Variants in STARD13 observed in about 807,000 individuals in gnomAD.
STARD13 encodes the protein stAR-related lipid transfer protein 13.
A neutral mutation model predicts 106.4 loss-of-function variants in STARD13; 62 were observed. The ratio of observed to expected loss-of-function variants is 0.58; its 90% CI spans 0.48 to 0.72. STARD13 has a LOEUF of 0.72. Among genes scored for constraint, STARD13 ranks in the 30% least tolerant of loss-of-function variants. The pLI, the probability that STARD13 is intolerant of heterozygous loss-of-function variation, is 0.00. For synonymous variants in STARD13, 565 were observed against 553.0 expected (o/e 1.02, Z -0.31); for missense variants, 1,387 against 1,424.0 (o/e 0.97, Z 0.42).
At chr13:33,388,209 T>C in the STARD13 span, among the ~76,000 whole-genome samples, 1,847 of 151,590 alleles carry the variant, frequency 0.012, 35 homozygotes, top group African/African-American at 0.041. Flanking sequence ...ACAAATCTAA[T>C]GGCTTGGTGA....
At chr13:33,452,343 TG>T in the STARD13 span, among the ~76,000 whole-genome samples, 1 of 150,376 alleles carries the variant, frequency 6.6e-6, no homozygotes, top group Non-Finnish European at 1.5e-5. Context: ...GGGGCAGTTG[TG>T]GGGGTGGGTG....
Position 33,343,597 on chromosome 13 carries a change from AC to A in STARD13, c.124+6692del, listed in dbSNP as rs149535310. Among the ~76,000 whole-genome samples, 455 of 118,440 alleles carry A rather than the reference AC, an allele frequency of 3.8e-3. 13 individuals are homozygous for A. Among genetic ancestry groups the A allele is most frequent in the African/African-American group, 0.013 (417 of 31,110 alleles). The allele number at this position is 118,440 out of a possible 152,430, so 77.7% of individuals were successfully genotyped here. ...TGTCTTAAAAAAAAAAAAAAAAAAA[AC>A]AAATCTACAAATCTAGTAGTCCCTC... On this transcript the variant is annotated intron_variant, in intron 1 of 5. Transcript: ENST00000567873.
chr13:33,226,591 C>T (rs1888639474), intron 1 of STARD13, among the ~76,000 whole-genome samples: 1 of 151,952 alleles, frequency 6.6e-6, no homozygotes. Context: ...TGCATCACCA[C>T]ACCTCGCTAA....
intron 1 of STARD13, among the ~76,000 whole-genome samples, chr13:33,238,493 A>G (rs933182394): frequency 6.6e-6 from 1 of 152,196 alleles, no homozygotes; most frequent in Admixed American, 6.5e-5. Context: ...AAAGTAGATC[A>G]TCTATTTTAT....
At chr13:33,671,235 A>G in the STARD13 span, among the ~76,000 whole-genome samples, 1 of 152,240 alleles carries the variant, frequency 6.6e-6, no homozygotes, top group Non-Finnish European at 1.5e-5. Flanking sequence ...AAATAATGCA[A>G]ATGTCCAACA....
At chr13:33,180,992 G>A (rs1430884016) in intron 1 of STARD13, among the ~76,000 whole-genome samples, 1 of 151,950 alleles carries the variant, frequency 6.6e-6, no homozygotes, top group Non-Finnish European at 1.5e-5. Context: ...CTTTACCTGG[G>A]GTTTTTAGAT....
chr13:33,332,197 A>G (rs978662911), intron 1 of STARD13, among the ~76,000 whole-genome samples: 4 of 152,110 alleles, frequency 2.6e-5, no homozygotes, highest in African/African-American at 9.7e-5. Context: ...ACCTATCCAC[A>G]GACACTTCCA....
At chr13:33,471,194 G>A in the STARD13 span, among the ~76,000 whole-genome samples, 45,383 of 152,122 alleles carry the variant, frequency 0.3, 7,649 homozygotes, top group Non-Finnish European at 0.39. Flanking sequence ...ATGATATTAA[G>A]ATATGTATAA....
intron 1 of STARD13, among the ~76,000 whole-genome samples, chr13:33,178,612 C>G (rs945188168): frequency 1.3e-5 from 2 of 152,174 alleles, no homozygotes; most frequent in Non-Finnish European, 2.9e-5. Context: ...TAACAGGAGC[C>G]AGGAAATTCA....
chr13:33,577,059 A>T, the STARD13 span, among the ~76,000 whole-genome samples: 1 of 152,234 alleles, frequency 6.6e-6, no homozygotes, highest in East Asian at 1.9e-4. Context: ...CCCTTTTAAA[A>T]ACATTTTTAT....
the STARD13 span, among the ~76,000 whole-genome samples, chr13:33,472,864 C>G: frequency 6.6e-6 from 1 of 151,970 alleles, no homozygotes; most frequent in Non-Finnish European, 1.5e-5. Flanking sequence ...GCGAAAATGT[C>G]TAGATTTTAG....
the STARD13 span, among the ~76,000 whole-genome samples, chr13:33,555,879 C>G: frequency 6.6e-6 from 1 of 152,050 alleles, no homozygotes; most frequent in Non-Finnish European, 1.5e-5. Context: ...AGTATTAGAC[C>G]CATTTTATAG....
At chr13:33,437,867 A>G in the STARD13 span, among the ~76,000 whole-genome samples, 1 of 152,000 alleles carries the variant, frequency 6.6e-6, no homozygotes, top group African/African-American at 2.4e-5. Context: ...TGCTTATTTG[A>G]TTTTTTCCCC....
At chr13:33,152,812 C>A (rs761025313) in intron 3 of STARD13, among the ~76,000 whole-genome samples, 16 of 152,196 alleles carry the variant, frequency 1.1e-4, no homozygotes, top group Non-Finnish European at 2.2e-4. Flanking sequence ...AAAGCCTAGT[C>A]TGGGAAATGT....
At chr13:33,661,987 T>G in the STARD13 span, among the ~76,000 whole-genome samples, 1,345 of 151,994 alleles carry the variant, frequency 8.8e-3, 25 homozygotes, top group African/African-American at 0.031. Context: ...TTTTGGCTGG[T>G]CGCGGTGGCT....
At chr13:33,338,532 A>G (rs1169101727) in intron 1 of STARD13, among the ~76,000 whole-genome samples, 1 of 152,164 alleles carries the variant, frequency 6.6e-6, no homozygotes, top group African/African-American at 2.4e-5. Context: ...ATGGATCGAT[A>G]CGAGATGCTG....
chr13:33,239,193 C>T (rs1889346536), intron 1 of STARD13, among the ~76,000 whole-genome samples: 1 of 152,128 alleles, frequency 6.6e-6, no homozygotes, highest in Admixed American at 6.5e-5. Context: ...CACGTTGTAG[C>T]ATATAACAAG....
chr13:33,565,478 A>G, the STARD13 span, among the ~76,000 whole-genome samples: 5 of 148,388 alleles, frequency 3.4e-5, no homozygotes, highest in Admixed American at 3.5e-4. Context: ...AAATCAATTT[A>G]AAAAGAAAAA....
the STARD13 span, among the ~76,000 whole-genome samples, chr13:33,464,037 A>ATATATGTATATGTATATG: frequency 8.2e-4 from 116 of 141,024 alleles, 1 homozygote; most frequent in African/African-American, 2.8e-3. Flanking sequence ...ATATATATAT[A>ATATATGTATATGTATATG]TATATGTATA....
Sources: gnomAD v4.1 joint callset for allele counts (sites outside exome capture counted in the v4.1 genomes callset) on GRCh38, gnomAD v4.1.1 for gene constraint, MANE v1.5 for transcripts, NCBI Gene and HGNC (gene_info 2026-07-23, HGNC 2026-07-21) for gene names.